Variants in PALLD observed in about 807,000 individuals in gnomAD.
PALLD encodes palladin.
Under a neutral mutation model 123.5 loss-of-function variants are expected in PALLD, and 61 were observed. The observed-to-expected ratio is 0.49, with a 90% CI of 0.40 to 0.61. The LOEUF is 0.61. Among genes scored for constraint, PALLD ranks in the 20% least tolerant of loss-of-function variants. The probability of loss-of-function intolerance (pLI) is 0.00; values close to 1 mark genes in which losing one functional copy is unlikely to be tolerated. For missense variants in PALLD, 1,273 were observed against 1,377.0 expected (o/e 0.92, Z 1.20); for synonymous variants, 465 against 496.4 (o/e 0.94, Z 0.84).
chr4:168,555,430 G>A (rs546206854), intron 2 of PALLD, among the ~76,000 whole-genome samples: 23 of 152,258 alleles, frequency 1.5e-4, no homozygotes, highest in African/African-American at 5.3e-4. Flanking sequence ...TTTGCTGCAG[G>A]TGGAACCACT....
chr4:168,748,142 G>T lies in PALLD; in HGVS notation c.1964+36219G>T, dbSNP rs369822061. ...TGAAAAATATATATTTTGTCCTTTT[G>T]CCCTAGAGATATAAATTGACACAAA... is the stretch of plus-strand genomic sequence containing the variant. On this transcript the variant is annotated intron_variant, in intron 10 of 21. Transcript: ENST00000505667. Among the ~76,000 whole-genome samples, 7 of 152,208 alleles carry T rather than the reference G, an allele frequency of 4.6e-5. No individual in the cohort carries two copies. The East Asian group carries it at 1.3e-3, about 29-fold the overall frequency.
Position 168,927,304 on chromosome 4 carries a change from C to T in PALLD, c.*1124C>T, listed in dbSNP as rs1382731008. Reference sequence around the variant, plus strand: ...CACAGGAGAGGTAGCAAAGGCCAGGCTTTTCTTTGGTTTTCTTCAAACATA... The same window carrying T: ...CACAGGAGAGGTAGCAAAGGCCAGGTTTTTCTTTGGTTTTCTTCAAACATA... On this transcript the variant is annotated 3_prime_UTR_variant, in exon 22 of 22. Coordinates refer to ENST00000505667, the MANE Select transcript of PALLD (RefSeq NM_001166108.2). 1 of 231,706 alleles carries T rather than the reference C, an allele frequency of 4.3e-6. No homozygotes were observed. The highest frequency in any genetic ancestry group is 8.6e-6 in the Non-Finnish European group (1 of 116,906). 14.4% of individuals were successfully genotyped at this position (231,706 alleles called of 1,614,324 possible).
chr4:168,881,295 T>C (rs1560847558), intron 10 of PALLD, among the ~76,000 whole-genome samples: 1 of 152,120 alleles, frequency 6.6e-6, no homozygotes. Context: ...ACAGGAAGGT[T>C]AGTAAGTACT....
At chr4:168,715,991 C>T (rs1311554367) in intron 10 of PALLD, among the ~76,000 whole-genome samples, 1 of 152,044 alleles carries the variant, frequency 6.6e-6, no homozygotes, top group East Asian at 1.9e-4. Context: ...ATGGAATCCC[C>T]CTAGGAATAA....
intron 6 of PALLD, among the ~76,000 whole-genome samples, chr4:168,689,072 C>T (rs1227830119): frequency 2.0e-5 from 3 of 152,164 alleles, no homozygotes; most frequent in Non-Finnish European, 4.4e-5. Flanking sequence ...AGAACGCAAT[C>T]AGAAATAGTT....
chr4:168,501,281 A>G (rs1167137909), intron 1 of PALLD, among the ~76,000 whole-genome samples: 1 of 152,086 alleles, frequency 6.6e-6, no homozygotes, highest in East Asian at 1.9e-4. Context: ...GGACTTGGTG[A>G]CATGCACCTG....
intron 2 of PALLD, among the ~76,000 whole-genome samples, chr4:168,577,775 G>C (rs937871064): frequency 6.8e-6 from 1 of 148,070 alleles, no homozygotes; most frequent in Admixed American, 6.6e-5. Flanking sequence ...ACGCAAAAGA[G>C]GCCACCAGTT....
intron 10 of PALLD, among the ~76,000 whole-genome samples, chr4:168,848,547 A>G (rs1405601061): frequency 1.3e-5 from 2 of 152,158 alleles, no homozygotes; most frequent in East Asian, 3.8e-4. Flanking sequence ...ACGTAGGCAC[A>G]CTCAGTACAT....
At chr4:168,596,160 T>C (rs1269176076) in intron 2 of PALLD, among the ~76,000 whole-genome samples, 1 of 152,148 alleles carries the variant, frequency 6.6e-6, no homozygotes, top group African/African-American at 2.4e-5. Flanking sequence ...AACCCTTTGC[T>C]GGGTTCTGTG....
chr4:168,758,232 C>T (rs1005027167), intron 10 of PALLD, among the ~76,000 whole-genome samples: 1 of 152,014 alleles, frequency 6.6e-6, no homozygotes, highest in African/African-American at 2.4e-5. Context: ...CTCATCTTTT[C>T]AAGCTCAAGA....
At chr4:168,904,758 A>G (rs921965790) in intron 15 of PALLD, among the ~76,000 whole-genome samples, 2 of 152,212 alleles carry the variant, frequency 1.3e-5, no homozygotes, top group Non-Finnish European at 2.9e-5. Context: ...ATATCATTCC[A>G]TATTATTTCT....
rs370264427 is a variant in PALLD, at chr4:168,588,309, G to GA, written c.908+75900dup. Among the ~76,000 whole-genome samples the GA allele has an allele frequency of 5.2e-3, 788 of 152,304 alleles. 10 individuals are homozygous for GA. The highest frequency in any genetic ancestry group is 0.017 in the Middle Eastern group (5 of 294). On this transcript the variant is annotated intron_variant, in intron 2 of 21. Transcript: ENST00000505667. ...AAATGTTGAAGAAATGTGGGGTTGGGAAAGAGAGGAGCACCTTAAAGAAGA... is the reference window on the plus strand; with the variant it reads ...AAATGTTGAAGAAATGTGGGGTTGGGAAAAGAGAGGAGCACCTTAAAGAAGA...
Position 168,837,658 on chromosome 4 carries a change from A to G in PALLD, c.1965-53264A>G, listed in dbSNP as rs76078592. ...ATCCCACGTAGTGAGTACTATCAGC[A>G]CTCCCATCTTAAAAATGATGAAAGT... On this transcript the variant is annotated intron_variant, in intron 10 of 21. Transcript: ENST00000505667. 6.6e-3 allele frequency among the ~76,000 whole-genome samples: 1,006 copies of G among 152,266 alleles called. 23 individuals are homozygous for G. Among genetic ancestry groups the G allele is most frequent in the East Asian group, 0.059 (304 of 5,184 alleles).
chr4:168,667,098 TACTC>T (rs1367657366), intron 2 of PALLD, among the ~76,000 whole-genome samples: 1 of 152,230 alleles, frequency 6.6e-6, no homozygotes, highest in Admixed American at 6.5e-5. Flanking sequence ...CTGGGGTTGA[TACTC>T]AGAGTATTAG....
chr4:168,882,725 T>C (rs1017650743), intron 10 of PALLD, among the ~76,000 whole-genome samples: 1 of 152,264 alleles, frequency 6.6e-6, no homozygotes, highest in Admixed American at 6.5e-5. Flanking sequence ...ACCAACAAAT[T>C]AGTAGGCAAG....
At chr4:168,853,692 G>T (rs1211280637) in intron 10 of PALLD, among the ~76,000 whole-genome samples, 1 of 152,094 alleles carries the variant, frequency 6.6e-6, no homozygotes, top group African/African-American at 2.4e-5. Context: ...AAAAGAAGAG[G>T]CTACAGGGGG....
At chr4:168,498,754 A>G (rs529925961) in intron 1 of PALLD, among the ~76,000 whole-genome samples, 1 of 152,348 alleles carries the variant, frequency 6.6e-6, no homozygotes, top group African/African-American at 2.4e-5. Flanking sequence ...AATTTGGTAA[A>G]TAGGTTTTGA....
chr4:168,690,509 G>T, intron 6 of PALLD, 94 bp from the exon 7 acceptor site: 1 of 1,472,492 alleles, frequency 6.8e-7, no homozygotes, highest in Non-Finnish European at 9.5e-7. Context: ...TATCTGTTTT[G>T]TCTGAGGTTT....
chr4:168,720,592 C>T (rs547886829), intron 10 of PALLD, among the ~76,000 whole-genome samples: 1 of 152,292 alleles, frequency 6.6e-6, no homozygotes, highest in African/African-American at 2.4e-5. Context: ...CCTAATTCTG[C>T]AGTACGTGGC....
Sources: allele counts gnomAD v4.1 joint callset (sites outside exome capture counted in the v4.1 genomes callset), GRCh38; gene constraint gnomAD v4.1.1; transcripts MANE v1.5; gene names NCBI Gene and HGNC (gene_info 2026-07-23, HGNC 2026-07-21).